The following CCDC154 variants were observed in gnomAD, a reference collection of about 807,000 sequenced individuals.
CCDC154 encodes coiled-coil domain containing 154.
Under a neutral mutation model 87.5 loss-of-function variants are expected in CCDC154, and 91 were observed. The ratio of observed to expected loss-of-function variants is 1.04; its 90% CI spans 0.88 to 1.24. The LOEUF is 1.24. Among genes scored for constraint, CCDC154 ranks in the 50% most tolerant of loss-of-function variants. CCDC154 has a pLI of 0.00. For missense variants in CCDC154, 903 were observed against 879.2 expected, an observed-to-expected ratio of 1.03 and a Z score of -0.34; for synonymous variants, 418 against 400.4, an observed-to-expected ratio of 1.04 and a Z score of -0.52.
intron 8 of CCDC154, 23 bp downstream of exon 8, chr16:1,438,792 G>A (rs2142353149): frequency 3.9e-6 from 6 of 1,538,678 alleles, no homozygotes; most frequent in Non-Finnish European, 5.3e-6. Flanking sequence ...GGCCCCACCT[G>A]CCCGCCGCCC....
At chr16:1,438,993 G>C (rs938530162) in intron 7 of CCDC154, 32 bp downstream of exon 7, 1 of 1,549,836 alleles carries the variant, frequency 6.5e-7, no homozygotes, top group Non-Finnish European at 8.7e-7. Flanking sequence ...GGGAAGGGGG[G>C]CAGGGCAGGC....
chr16:1,439,558 G>C (rs1022891419), intron 6 of CCDC154, among the ~76,000 whole-genome samples: 4 of 152,154 alleles, frequency 2.6e-5, no homozygotes, highest in South Asian at 4.1e-4. Flanking sequence ...GGGAGGGGAG[G>C]GGGGAGGCGC....
intron 5 of CCDC154, among the ~76,000 whole-genome samples, 154 bp downstream of exon 5, chr16:1,442,726 G>C (rs757361619): frequency 6.6e-6 from 1 of 152,254 alleles, no homozygotes; most frequent in Non-Finnish European, 1.5e-5. Flanking sequence ...GGTCCGCAGC[G>C]GGCCCAGGCT....
Position 1,444,030 on chromosome 16 carries a change from G to A in CCDC154, c.8-18C>T. On this transcript the variant is annotated intron_variant, in intron 1 of 16. Transcript: ENST00000389176. ...AGCCAACTCTACAAGGAGGCATCTT[G>A]GGAGCTTGCCCCTTGGGGCCCGGCC... 1 of 1,295,058 alleles carries A rather than the reference G, an allele frequency of 7.7e-7. No homozygotes were observed. The highest frequency in any genetic ancestry group is 1.0e-6 in the Non-Finnish European group (1 of 988,078). The allele number at this position is 1,295,058 out of a possible 1,614,324, so 80.2% of individuals were successfully genotyped here. A position where few individuals can be genotyped will look rare whatever the true frequency, so the allele number is the denominator to read the frequency against.
Position 1,443,872 on chromosome 16 carries a change from CAT to C in CCDC154, c.146_147del (p.Tyr49Ter), listed in dbSNP as rs777882447. Reference sequence around the variant, plus strand: ...GCCGTGGATGTCGGATGGCTGGACTCATACCTCTCCGAGAGCTCCTCCAGGCT... The same window carrying C: ...GCCGTGGATGTCGGATGGCTGGACTCACCTCTCCGAGAGCTCCTCCAGGCT... The part of the protein sequence containing the change: ...PLSLEELSER[Y>X]ESSHPTSTAS... On this transcript the variant is annotated frameshift_variant, in exon 2 of 17. Coordinates refer to ENST00000389176, the MANE Select transcript of CCDC154 (RefSeq NM_001143980.3). LOFTEE classifies it high-confidence loss of function. The C allele has an allele frequency of 7.7e-7, 1 of 1,304,246 alleles. No homozygotes were observed. The highest frequency in any genetic ancestry group is 1.2e-5 in the South Asian group (1 of 81,034). 80.8% of individuals were successfully genotyped at this position (1,304,246 alleles called of 1,614,324 possible). A position where few individuals can be genotyped will look rare whatever the true frequency, so the allele number is the denominator to read the frequency against.
In CCDC154 at chr16:1,435,974, C is replaced by T. The variant is rs1394216676; in HGVS notation, c.1600G>A (p.Ala534Thr). 8 of 1,548,642 alleles carry T rather than the reference C, an allele frequency of 5.2e-6. No homozygotes were observed. The highest frequency in any genetic ancestry group is 1.4e-5 in the African/African-American group (1 of 72,946). ...GCGGGCAGCCCCAGGACTACCGTGG[C>T]CAGCTTGCCCTGCATCTCCGCGATC... is the stretch of plus-strand genomic sequence containing the variant. ...RKIAEMQGKL[A>T]TFQNQIMKLE... is the part of the protein sequence containing the mutation. The change falls in exon 14 of 17, where the codon GCC (alanine) becomes ACC (threonine). Residue 534 changes from alanine (A) to threonine (T), a missense_variant. Transcript: ENST00000389176.
chr16:1,436,073 C>T lies in CCDC154; in HGVS notation c.1501G>A (p.Gly501Arg). Residue 501 changes from glycine (G) to arginine (R), a missense_variant, in exon 14 of 17, where the codon GGG becomes AGG. Coordinates refer to ENST00000389176, the MANE Select transcript of CCDC154 (RefSeq NM_001143980.3). ...AEGKAREFKV[G>R]ALRQELATLL... is the part of the protein sequence containing the mutation. ...GTGGCCAGCTCCTGCCGCAGGGCCC[C>T]AACCTTGAACTCCCTATGGGCACCA... is the stretch of plus-strand genomic sequence containing the variant. 1 of 1,550,232 alleles carries T rather than the reference C, an allele frequency of 6.5e-7. No homozygotes were observed. Among genetic ancestry groups the T allele is most frequent in the Non-Finnish European group, 8.7e-7 (1 of 1,146,850 alleles).
intron 14 of CCDC154, 27 bp from the exon 15 acceptor site, chr16:1,435,202 G>A (rs1239094872): frequency 6.5e-7 from 1 of 1,542,352 alleles, no homozygotes; most frequent in Non-Finnish European, 8.8e-7. Context: ...TTTGGGCACA[G>A]ACAGGGCCAG....
chr16:1,437,097 C>T (rs1385689371), intron 11 of CCDC154: 16 of 449,832 alleles, frequency 3.6e-5, no homozygotes, highest in Admixed American at 1.1e-4. Context: ...AGCCCCGAAA[C>T]GCAGGGTGTC....
chr16:1,437,555 C>T (rs2038512945), intron 11 of CCDC154: 2 of 455,318 alleles, frequency 4.4e-6, no homozygotes. Flanking sequence ...GAGCTGCCCG[C>T]ATGGCCGGGC....
intron 6 of CCDC154, 49 bp downstream of exon 6, chr16:1,442,354 TCTC>T: frequency 2.7e-6 from 4 of 1,501,024 alleles, no homozygotes; most frequent in Non-Finnish European, 2.7e-6. Context: ...AGGGTTAGGG[TCTC>T]CTCCTCGGCC....
intron 3 of CCDC154, 87 bp from the exon 4 acceptor site, chr16:1,443,388 G>T: frequency 6.8e-7 from 1 of 1,478,660 alleles, no homozygotes; most frequent in African/African-American, 1.4e-5. Flanking sequence ...CGGCACCACT[G>T]GCCCCTGGGA....
intron 11 of CCDC154, 128 bp downstream of exon 11, chr16:1,437,689 C>T (rs1049264872): frequency 7.5e-6 from 9 of 1,193,612 alleles, no homozygotes; most frequent in African/African-American, 3.1e-5. Flanking sequence ...TGGGGACAGT[C>T]GCTGGGTGGG....
rs538638455 is a variant in CCDC154 at position 1,438,365 on chromosome 16, C to T, written c.1026-189G>A. ...GGCCACCAAGATGGGCGTTCACTCC[C>T]CACGGCCACCAAGACAGGGGTTCCC... On this transcript the variant is annotated intron_variant, in intron 9 of 16. Transcript: ENST00000389176. 3.7e-6 allele frequency: 3 copies of T among 801,092 alleles called. No homozygotes were observed. The East Asian group carries it at 8.2e-5, about 22-fold the overall frequency. 49.6% of individuals were successfully genotyped at this position (801,092 alleles called of 1,614,324 possible). A position where few individuals can be genotyped will look rare whatever the true frequency, so the allele number is the denominator to read the frequency against.
chr16:1,438,075 T>C lies in CCDC154; in HGVS notation c.1127A>G (p.Gln376Arg). 1 of 1,548,466 alleles carries C rather than the reference T, an allele frequency of 6.5e-7. No individual in the cohort carries two copies. The highest frequency in any genetic ancestry group is 8.7e-7 in the Non-Finnish European group (1 of 1,145,842). The change falls in exon 10 of 17, where the codon CAG becomes CGG. Residue 376 changes from glutamine to arginine, a missense_variant. Physicochemically the swap from Gln to Arg is conservative, Grantham distance 43. Transcript: ENST00000389176. ...CAGCACCAGCTCTCCATGCATCTCCTGCCGGGCCAGCTCGCCAGCCAGCTG... is the reference window on the plus strand; with the variant it reads ...CAGCACCAGCTCTCCATGCATCTCCCGCCGGGCCAGCTCGCCAGCCAGCTG... ...AAQLAGELAR[Q>R]EMHGELVLLR...
At chr16:1,435,262 G>C in intron 14 of CCDC154, 87 bp from the exon 15 acceptor site, 2 of 1,210,084 alleles carry the variant, frequency 1.7e-6, no homozygotes, top group South Asian at 1.3e-5. Flanking sequence ...CCACTGTTGA[G>C]TGCTTACAGC....
At chr16:1,441,569 G>A (rs1391392129) in intron 6 of CCDC154, among the ~76,000 whole-genome samples, 6 of 152,334 alleles carry the variant, frequency 3.9e-5, no homozygotes. Flanking sequence ...TGGCTTCTAG[G>A]AACTCGTGTC....
chr16:1,440,151 A>AT, intron 6 of CCDC154, among the ~76,000 whole-genome samples: 1 of 151,032 alleles, frequency 6.6e-6, no homozygotes, highest in Admixed American at 6.6e-5. Context: ...GTCAGAAAAA[A>AT]AAAAAAAAAA....
intron 6 of CCDC154, among the ~76,000 whole-genome samples, chr16:1,441,437 T>C (rs560614965): frequency 6.6e-6 from 1 of 152,274 alleles, no homozygotes; most frequent in South Asian, 2.1e-4. Flanking sequence ...GGTCTCTATT[T>C]GTGGAGCTCA....
Sources: allele counts gnomAD v4.1 joint callset (sites outside exome capture counted in the v4.1 genomes callset), GRCh38; gene constraint gnomAD v4.1.1; transcripts MANE v1.5; gene names NCBI Gene and HGNC (gene_info 2026-07-23, HGNC 2026-07-21).